The following RAD54B variants were observed in gnomAD, a reference collection of about 807,000 sequenced individuals.
RAD54B encodes the protein RAD54 homolog B.
RAD54B carries 78 observed loss-of-function variants against 95.8 expected under a neutral mutation model. That is an observed-to-expected ratio of 0.81 (90% CI 0.68 to 0.98). The LOEUF is 0.98. Among genes scored for constraint, RAD54B ranks in the 50% least tolerant of loss-of-function variants. The pLI is 0.00. For synonymous variants in RAD54B, 328 were observed against 354.9 expected (o/e 0.92, Z 0.85); for missense variants, 957 against 1,056.6 (o/e 0.91, Z 1.31).
At chr8:94,416,146 G>C (rs1375262571) in intron 3 of RAD54B, among the ~76,000 whole-genome samples, 2 of 151,706 alleles carry the variant, frequency 1.3e-5, no homozygotes, top group East Asian at 1.9e-4. Flanking sequence ...ACTGGATTAA[G>C]AAAATGTGGC....
intron 3 of RAD54B, 76 bp downstream of exon 3, chr8:94,458,192 T>C: frequency 1.5e-6 from 2 of 1,341,646 alleles, no homozygotes; most frequent in Non-Finnish European, 2.0e-6. Flanking sequence ...AACATATTCA[T>C]TCTTAAAACA....
intron 3 of RAD54B, chr8:94,436,995 A>C (rs1812283280): frequency 7.2e-7 from 1 of 1,397,500 alleles, no homozygotes. Context: ...CCACGCCTAC[A>C]GGGGAGGGTT....
chr8:94,405,599 T>C (rs1223957822), intron 5 of RAD54B, among the ~76,000 whole-genome samples: 2 of 152,178 alleles, frequency 1.3e-5, no homozygotes, highest in East Asian at 3.8e-4. Context: ...AAATGGGAAA[T>C]GTAGTCCTTG....
intron 3 of RAD54B, chr8:94,428,067 G>T: frequency 1.1e-6 from 1 of 950,008 alleles, no homozygotes; most frequent in Non-Finnish European, 1.3e-6. Context: ...ATAAATCACA[G>T]CTAGTTTAGA....
At position 94,387,103 on chromosome 8, in the gene RAD54B, G is replaced by A. The variant is rs28605692; in HGVS notation, c.1866C>T (p.Gly622=). ...DKNEEKSLYK[G]LLSVFPADYN... Reference sequence around the variant, plus strand: ...AGTCAGCAGGAAACACACTTAGCAAGCCTTTGTATAGACTCTTTTCTTCAT... The same window carrying A: ...AGTCAGCAGGAAACACACTTAGCAAACCTTTGTATAGACTCTTTTCTTCAT... Residue 622 remains glycine, a synonymous_variant, in exon 11 of 15, where the codon GGC becomes GGT. Transcript: ENST00000336148. The A allele has an allele frequency of 0.037, 59,781 of 1,610,932 alleles. 1,247 individuals carry two copies. The highest frequency in any genetic ancestry group is 0.043 in the Non-Finnish European group (50,291 of 1,178,612).
intron 4 of RAD54B, among the ~76,000 whole-genome samples, chr8:94,410,803 G>A (rs1431788354): frequency 6.6e-6 from 1 of 152,102 alleles, no homozygotes; most frequent in Non-Finnish European, 1.5e-5. Context: ...AAGAGAGAGA[G>A]AGAAAGTATA....
intron 6 of RAD54B, among the ~76,000 whole-genome samples, chr8:94,401,186 CAAG>C (rs1209299417): frequency 6.6e-6 from 1 of 152,006 alleles, no homozygotes; most frequent in African/African-American, 2.4e-5. Context: ...GACCACTGAA[CAAG>C]AAGGGTTTGA....
chr8:94,385,079 T>C (rs920407702), intron 11 of RAD54B, among the ~76,000 whole-genome samples: 3 of 152,122 alleles, frequency 2.0e-5, no homozygotes, highest in African/African-American at 7.2e-5. Flanking sequence ...CTCCGGCCTG[T>C]GCCCCAGAGT....
In RAD54B at chr8:94,378,404, T is replaced by A. The variant is rs746602788; in HGVS notation, c.2315-24A>T. ...ACCTAAAGAGAAAACATTAATTAGA[T>A]TTCCTTCAGATCTTTATGTTCATTA... On this transcript the variant is annotated intron_variant, in intron 13 of 14. Transcript: ENST00000336148. 4.4e-6 allele frequency: 7 copies of A among 1,589,680 alleles called. No individual in the cohort carries two copies. In the Admixed American group the frequency reaches 5.2e-5, roughly 12 times the overall value.
intron 3 of RAD54B, among the ~76,000 whole-genome samples, chr8:94,417,595 C>T (rs1811706503): frequency 6.6e-6 from 1 of 151,794 alleles, no homozygotes; most frequent in South Asian, 2.1e-4. Context: ...AAAATGGTTT[C>T]GCAGACTCTT....
chr8:94,414,599 C>G (rs1277017439), intron 3 of RAD54B, among the ~76,000 whole-genome samples: 2 of 152,116 alleles, frequency 1.3e-5, no homozygotes, highest in East Asian at 3.8e-4. Context: ...TGGTTTTTGT[C>G]TTTGGTTCTG....
chr8:94,453,524 G>A (rs370682108), intron 3 of RAD54B, among the ~76,000 whole-genome samples: 1 of 151,850 alleles, frequency 6.6e-6, no homozygotes. Context: ...GCAAGACTCC[G>A]TCTCAAAAAA....
intron 5 of RAD54B, among the ~76,000 whole-genome samples, chr8:94,405,396 T>C (rs1586141593): frequency 6.6e-6 from 1 of 152,130 alleles, no homozygotes; most frequent in East Asian, 1.9e-4. Context: ...TAAAAAGAAA[T>C]AGACTCCAGT....
At chr8:94,449,115 A>G (rs1352413979) in intron 3 of RAD54B, among the ~76,000 whole-genome samples, 2 of 151,962 alleles carry the variant, frequency 1.3e-5, no homozygotes, top group Non-Finnish European at 2.9e-5. Flanking sequence ...AACCTCAGGT[A>G]TGCACAATAA....
At chr8:94,445,030 T>A (rs1342615652) in intron 3 of RAD54B, among the ~76,000 whole-genome samples, 1 of 152,218 alleles carries the variant, frequency 6.6e-6, no homozygotes, top group Non-Finnish European at 1.5e-5. Flanking sequence ...GGAGCTGCTA[T>A]AACAAAGTAT....
Position 94,393,900 on chromosome 8 carries a change from T to TTGGAGTACCTAAAGA in RAD54B, c.1379-19_1379-18insTCTTTAGGTACTCCA. On this transcript the variant is annotated intron_variant, in intron 8 of 14. Transcript: ENST00000336148. ...TGGAGTACCTAAAGAGAGACAAAAA[T>TTGGAGTACCTAAAGA]GAGTAAAAGGTCAAGTTTGTGTTTT... The TTGGAGTACCTAAAGA allele has an allele frequency of 6.4e-7, 1 of 1,567,200 alleles. No homozygotes were observed. The highest frequency in any genetic ancestry group is 1.4e-5 in the African/African-American group (1 of 72,294).
chr8:94,422,057 C>A (rs970926993), intron 3 of RAD54B, among the ~76,000 whole-genome samples: 1 of 152,096 alleles, frequency 6.6e-6, no homozygotes, highest in African/African-American at 2.4e-5. Flanking sequence ...ACTCTCTGTA[C>A]AACTTAAATT....
chr8:94,430,378 C>T (rs951156084), intron 3 of RAD54B: 2 of 984,696 alleles, frequency 2.0e-6, no homozygotes, highest in African/African-American at 3.5e-5. Context: ...AAATTTATAT[C>T]CCTCAGTTCA....
At chr8:94,405,406 T>G (rs535420469) in intron 5 of RAD54B, among the ~76,000 whole-genome samples, 2 of 152,160 alleles carry the variant, frequency 1.3e-5, no homozygotes, top group African/African-American at 4.8e-5. Context: ...TAGACTCCAG[T>G]AGACTATGTA....
Sources: gnomAD v4.1 joint callset for allele counts (sites outside exome capture counted in the v4.1 genomes callset) on GRCh38, gnomAD v4.1.1 for gene constraint, MANE v1.5 for transcripts, NCBI Gene and HGNC (gene_info 2026-07-23, HGNC 2026-07-21) for gene names.